Variants in DNAJB8 observed in about 807,000 individuals in gnomAD.
The protein encoded by DNAJB8 is dnaJ homolog subfamily B member 8.
For synonymous variants in DNAJB8, 127 were observed against 127.1 expected (o/e 1.00, Z 0.00); for missense variants, 354 against 318.9 (o/e 1.11, Z -0.84).
In DNAJB8 at chr3:128,462,886, A is replaced by G. The variant is rs2068478125; in HGVS notation, c.360T>C (p.Asn120=). The G allele has an allele frequency of 6.2e-7, 1 of 1,614,136 alleles. No homozygotes were observed. Among genetic ancestry groups the G allele is most frequent in the South Asian group, 1.1e-5 (1 of 91,082 alleles). ...FSFEFWDSPF[N]SDRGGRGHGL... ...CATGGCCCCGGCCACCACGGTCACTATTGAATGGGCTGTCCCAGAACTCAA... is the reference window on the plus strand; with the variant it reads ...CATGGCCCCGGCCACCACGGTCACTGTTGAATGGGCTGTCCCAGAACTCAA... Residue 120 remains asparagine, a synonymous_variant, in exon 3 of 3, where the codon AAT becomes AAC. Transcript: ENST00000319153.
chr3:128,462,643 C>T lies in DNAJB8; in HGVS notation c.603G>A (p.Glu201=), dbSNP rs2068474229. ...GHKVTTKRIV[E]NGQERVEVEE... The stretch of plus-strand genomic sequence containing the variant: ...CCACCTCCACGCGCTCCTGCCCGTT[C>T]TCCACGATGCGCTTGGTGGTGACCT... The change falls in exon 3 of 3, where the codon GAG becomes GAA. Residue 201 remains glutamate (E), a synonymous_variant. Transcript: ENST00000319153. 1 of 1,614,054 alleles carries T rather than the reference C, an allele frequency of 6.2e-7. No homozygotes were observed. Among genetic ancestry groups the T allele is most frequent in the Non-Finnish European group, 8.5e-7 (1 of 1,180,036 alleles).
Position 128,463,434 on chromosome 3 carries a change from G to A in DNAJB8, c.-189C>T, listed in dbSNP as rs1009574696. ...CCTTTTCGTAGTACCAATTCTCAGG[G>A]ACTGGAGGGGCCCCCACTGAGAGGA... is the stretch of plus-strand genomic sequence containing the variant. On this transcript the variant is annotated 5_prime_UTR_variant, in exon 3 of 3. Coordinates refer to ENST00000319153, the MANE Select transcript of DNAJB8 (RefSeq NM_153330.6). 2.5e-5 allele frequency: 14 copies of A among 560,370 alleles called. No homozygotes were observed. The highest frequency in any genetic ancestry group is 4.5e-5 in the Non-Finnish European group (14 of 312,576). The allele number at this position is 560,370 out of a possible 1,614,324, so 34.7% of individuals were successfully genotyped here. A position where few individuals can be genotyped will look rare whatever the true frequency, so the allele number is the denominator to read the frequency against.
intron 2 of DNAJB8, among the ~76,000 whole-genome samples, chr3:128,464,733 A>G (rs971420614): frequency 7.3e-6 from 1 of 137,154 alleles, no homozygotes; most frequent in African/African-American, 2.7e-5. Flanking sequence ...CCAAGTCTTA[A>G]CTAAAGATAG....
Position 128,463,290 on chromosome 3 carries a change from G to T in DNAJB8, c.-45C>A. The stretch of plus-strand genomic sequence containing the variant: ...AGGAGAGGGAACGTGGAGGCCAGGT[G>T]GGCGCAGGGGCCCAGCTGGTCAGAT... On this transcript the variant is annotated 5_prime_UTR_variant, in exon 3 of 3. Coordinates refer to ENST00000319153, the MANE Select transcript of DNAJB8 (RefSeq NM_153330.6). 1 of 1,542,534 alleles carries T rather than the reference G, an allele frequency of 6.5e-7. No individual in the cohort carries two copies. The highest frequency in any genetic ancestry group is 1.2e-5 in the South Asian group (1 of 81,292).
rs375757137 is a variant in DNAJB8 at position 128,462,985 on chromosome 3, G to A, written c.261C>T (p.Phe87=). The part of the protein sequence containing the change: ...GGASTPYHSP[F]DTGYTFRNPE... The stretch of plus-strand genomic sequence containing the variant: ...GGTTACGGAAGGTGTAGCCGGTGTC[G>A]AAGGGGCTGTGGTAGGGCGTGCTGG... Residue 87 remains phenylalanine, a synonymous_variant, in exon 3 of 3, where the codon TTC becomes TTT. Coordinates refer to ENST00000319153, the MANE Select transcript of DNAJB8 (RefSeq NM_153330.6). 1.1e-5 allele frequency: 17 copies of A among 1,614,034 alleles called. No homozygotes were observed. The highest frequency in any genetic ancestry group is 2.7e-5 in the African/African-American group (2 of 74,932).
At position 128,463,212 on chromosome 3, in the gene DNAJB8, C is replaced by A. The variant is rs767605405; in HGVS notation, c.34G>T (p.Ala12Ser). Residue 12 changes from alanine to serine, a missense_variant, in exon 3 of 3, where the codon GCC becomes TCC. Coordinates refer to ENST00000319153, the MANE Select transcript of DNAJB8 (RefSeq NM_153330.6). ...TTGATGTCCTCCGGGGAAGCGCTGGCCTGCACGCCCAGCACTTCGTAGTAG... is the reference window on the plus strand; with the variant it reads ...TTGATGTCCTCCGGGGAAGCGCTGGACTGCACGCCCAGCACTTCGTAGTAG... The part of the protein sequence containing the change: ...ANYYEVLGVQ[A>S]SASPEDIKKA... 3.1e-6 allele frequency: 5 copies of A among 1,613,848 alleles called. No homozygotes were observed. Among genetic ancestry groups the A allele is most frequent in the Non-Finnish European group, 4.2e-6 (5 of 1,179,852 alleles).
intron 1 of DNAJB8, 110 bp downstream of exon 1, chr3:128,466,504 G>A (rs924875934): frequency 6.5e-5 from 10 of 152,704 alleles, no homozygotes; most frequent in African/African-American, 2.4e-4. Flanking sequence ...GTGCCGAGGG[G>A]TGAGAAGGAC....
Position 128,462,630 on chromosome 3 carries a change from G to A in DNAJB8, c.616C>T (p.Arg206Cys), listed in dbSNP as rs756519699. ...TKRIVENGQERVEVEEDGQLK... is the reference protein window; with the variant it reads ...TKRIVENGQECVEVEEDGQLK... ...TGCCCGTCTTCCTCCACCTCCACGC[G>A]CTCCTGCCCGTTCTCCACGATGCGC... is the stretch of plus-strand genomic sequence containing the variant. Residue 206 changes from arginine (R) to cysteine (C), a missense_variant, in exon 3 of 3, where the codon CGC (arginine) becomes TGC (cysteine). By Grantham distance (180) the Arg-to-Cys change is radical (BLOSUM62 -3). Transcript: ENST00000319153. 20 of 1,613,712 alleles carry A rather than the reference G, an allele frequency of 1.2e-5. No individual in the cohort carries two copies. The highest frequency in any genetic ancestry group is 3.3e-4 in the Middle Eastern group (2 of 6,084).
intron 2 of DNAJB8, among the ~76,000 whole-genome samples, chr3:128,465,057 A>G (rs1353908158): frequency 3.5e-5 from 5 of 142,242 alleles, no homozygotes. Flanking sequence ...ATCCCTTTCT[A>G]TTATCCTCCC....
At position 128,466,721 on chromosome 3, in the gene DNAJB8, T is replaced by C. The variant is rs2068516490; in HGVS notation, c.-1134A>G. 1 of 151,504 alleles carries C rather than the reference T, an allele frequency of 6.6e-6. No homozygotes were observed. The highest frequency in any genetic ancestry group is 1.5e-5 in the Non-Finnish European group (1 of 67,922). 9.4% of individuals were successfully genotyped at this position (151,504 alleles called of 1,614,324 possible). Reference sequence around the variant, plus strand: ...CTGCCAATACAAGGGATTTGGAGAGTGGAAAAGAGAGGCCGTTGCAGGCAG... The same window carrying C: ...CTGCCAATACAAGGGATTTGGAGAGCGGAAAAGAGAGGCCGTTGCAGGCAG... On this transcript the variant is annotated 5_prime_UTR_variant, in exon 1 of 3. Coordinates refer to ENST00000319153, the MANE Select transcript of DNAJB8 (RefSeq NM_153330.6).
In DNAJB8 at chr3:128,463,323, G is replaced by A. The variant is rs2068484837; in HGVS notation, c.-78C>T. The stretch of plus-strand genomic sequence containing the variant: ...GGGCCCAGCTGGTCAGATGGACGGG[G>A]GAGAAGTGGCCGGTGGTCTGGGGCC... On this transcript the variant is annotated 5_prime_UTR_variant, in exon 3 of 3. Coordinates refer to ENST00000319153, the MANE Select transcript of DNAJB8 (RefSeq NM_153330.6). 2.9e-6 allele frequency: 4 copies of A among 1,359,632 alleles called. No homozygotes were observed. In the South Asian group the frequency reaches 5.5e-5, roughly 19 times the overall value. The allele number at this position is 1,359,632 out of a possible 1,614,324, so 84.2% of individuals were successfully genotyped here. A position where few individuals can be genotyped will look rare whatever the true frequency, so the allele number is the denominator to read the frequency against.
chr3:128,464,290 G>A (rs551981701), intron 2 of DNAJB8, among the ~76,000 whole-genome samples, 180 bp from the exon 3 acceptor site: 2 of 152,332 alleles, frequency 1.3e-5, no homozygotes, highest in South Asian at 4.1e-4. Context: ...AGATCATCCT[G>A]GATTATCTGA....
Position 128,462,630 on chromosome 3 carries a change from G to T in DNAJB8, c.616C>A (p.Arg206Ser). 3 of 1,613,832 alleles carry T rather than the reference G, an allele frequency of 1.9e-6. No homozygotes were observed. Among genetic ancestry groups the T allele is most frequent in the Non-Finnish European group, 2.5e-6 (3 of 1,179,986 alleles). ...TGCCCGTCTTCCTCCACCTCCACGCGCTCCTGCCCGTTCTCCACGATGCGC... is the reference window on the plus strand; with the variant it reads ...TGCCCGTCTTCCTCCACCTCCACGCTCTCCTGCCCGTTCTCCACGATGCGC... ...TKRIVENGQERVEVEEDGQLK... is the reference protein window; with the variant it reads ...TKRIVENGQESVEVEEDGQLK... Residue 206 changes from arginine (R) to serine (S), a missense_variant, in exon 3 of 3, where the codon CGC becomes AGC. Transcript: ENST00000319153.
At position 128,462,863 on chromosome 3, in the gene DNAJB8, T is replaced by C. The variant is rs1341204847; in HGVS notation, c.383A>G (p.His128Arg). ...PFNSDRGGRG[H>R]GLRGAFSAGF... ...TGCCGAGAAGGCCCCCCTCAGGCCA[T>C]GGCCCCGGCCACCACGGTCACTATT... Residue 128 changes from histidine (H) to arginine (R), a missense_variant, in exon 3 of 3, where the codon CAT (histidine) becomes CGT (arginine). Physicochemically the swap from His to Arg is conservative, Grantham distance 29. Coordinates refer to ENST00000319153, the MANE Select transcript of DNAJB8 (RefSeq NM_153330.6). The C allele has an allele frequency of 8.1e-6, 13 of 1,614,058 alleles. No homozygotes were observed. Among genetic ancestry groups the C allele is most frequent in the Non-Finnish European group, 1.0e-5 (12 of 1,180,028 alleles).
At position 128,463,300 on chromosome 3, in the gene DNAJB8, G is replaced by A. The variant is rs974055419; in HGVS notation, c.-55C>T. On this transcript the variant is annotated 5_prime_UTR_variant, in exon 3 of 3. Transcript: ENST00000319153. ...ACGTGGAGGCCAGGTGGGCGCAGGG[G>A]CCCAGCTGGTCAGATGGACGGGGGA... 70 of 1,515,706 alleles carry A rather than the reference G, an allele frequency of 4.6e-5. No homozygotes were observed. In the Middle Eastern group the frequency reaches 5.5e-4, roughly 12 times the overall value. The allele number at this position is 1,515,706 out of a possible 1,614,324, so 93.9% of individuals were successfully genotyped here.
rs541283774 is a variant in DNAJB8, at chr3:128,466,855, C to T, written c.-1268G>A. The stretch of plus-strand genomic sequence containing the variant: ...GGAGCTTCCTGGAATACCGTGAGCT[C>T]CTCAGCAGCTCCCAGGCAAGCTCTA... On this transcript the variant is annotated 5_prime_UTR_variant, in exon 1 of 3. Coordinates refer to ENST00000319153, the MANE Select transcript of DNAJB8 (RefSeq NM_153330.6). 6.6e-6 allele frequency: 1 copy of T among 152,304 alleles called. No homozygotes were observed. Among genetic ancestry groups the T allele is most frequent in the African/African-American group, 2.4e-5 (1 of 41,568 alleles). The allele number at this position is 152,304 out of a possible 1,614,324, so 9.4% of individuals were successfully genotyped here.
In DNAJB8 at chr3:128,462,626, A is replaced by G; in HGVS notation, c.620T>C (p.Val207Ala). 1 of 1,611,832 alleles carries G rather than the reference A, an allele frequency of 6.2e-7. No homozygotes were observed. Among genetic ancestry groups the G allele is most frequent in the South Asian group, 1.1e-5 (1 of 91,034 alleles). ...GAGCTGCCCGTCTTCCTCCACCTCCACGCGCTCCTGCCCGTTCTCCACGAT... is the reference window on the plus strand; with the variant it reads ...GAGCTGCCCGTCTTCCTCCACCTCCGCGCGCTCCTGCCCGTTCTCCACGAT... Reference protein sequence around the residue: ...KRIVENGQERVEVEEDGQLKS... With the variant: ...KRIVENGQERAEVEEDGQLKS... The change falls in exon 3 of 3, where the codon GTG (valine) becomes GCG (alanine). Residue 207 changes from valine (V) to alanine (A), a missense_variant. Coordinates refer to ENST00000319153, the MANE Select transcript of DNAJB8 (RefSeq NM_153330.6).
At position 128,463,238 on chromosome 3, in the gene DNAJB8, T is replaced by C. The variant is rs1308380839; in HGVS notation, c.8A>G (p.Asn3Ser). The change falls in exon 3 of 3, where the codon AAC becomes AGC. Residue 3 changes from asparagine (N) to serine (S), a missense_variant. Transcript: ENST00000319153. Reference protein sequence around the residue: MANYYEVLGVQAS... With the variant: MASYYEVLGVQAS... ...CTGCACGCCCAGCACTTCGTAGTAG[T>C]TAGCCATGGCCAGGGGTGTGGGTGA... 1 of 1,610,464 alleles carries C rather than the reference T, an allele frequency of 6.2e-7. No homozygotes were observed. The highest frequency in any genetic ancestry group is 8.5e-7 in the Non-Finnish European group (1 of 1,177,694).
Position 128,462,927 on chromosome 3 carries a change from G to C in DNAJB8, c.319C>G (p.Leu107Val). 6.2e-7 allele frequency: 1 copy of C among 1,614,122 alleles called. No individual in the cohort carries two copies. The highest frequency in any genetic ancestry group is 8.5e-7 in the Non-Finnish European group (1 of 1,179,966). Residue 107 changes from leucine (L) to valine (V), a missense_variant, in exon 3 of 3, where the codon CTG becomes GTG. Physicochemically the swap from Leu to Val is conservative, Grantham distance 32. Coordinates refer to ENST00000319153, the MANE Select transcript of DNAJB8 (RefSeq NM_153330.6). ...EDIFREFFGG[L>V]DPFSFEFWDS... is the part of the protein sequence containing the mutation. Reference sequence around the variant, plus strand: ...CAGAACTCAAAGGAGAAAGGGTCCAGGCCACCAAAAAACTCCCGGAAGATG... The same window carrying C: ...CAGAACTCAAAGGAGAAAGGGTCCACGCCACCAAAAAACTCCCGGAAGATG...
Sources: allele counts gnomAD v4.1 joint callset (sites outside exome capture counted in the v4.1 genomes callset), GRCh38; gene constraint gnomAD v4.1.1; transcripts MANE v1.5; gene names NCBI Gene and HGNC (gene_info 2026-07-23, HGNC 2026-07-21).